The following TEX264 variants were observed in gnomAD, a reference collection of about 807,000 sequenced individuals.
The protein encoded by TEX264 is testis expressed 264, ER-phagy receptor.
A neutral mutation model predicts 23.4 loss-of-function variants in TEX264; 13 were observed. The ratio of observed to expected loss-of-function variants is 0.56; its 90% CI spans 0.36 to 0.88. The LOEUF (loss-of-function observed/expected upper bound fraction) is 0.88. Among genes scored for constraint, TEX264 ranks in the 40% least tolerant of loss-of-function variants. The pLI, the probability that TEX264 is intolerant of heterozygous loss-of-function variation, is 0.01. For synonymous variants in TEX264, 159 were observed against 170.0 expected (o/e 0.94, Z 0.50); for missense variants, 340 against 406.8 (o/e 0.84, Z 1.41).
chr3:51,689,414 G>T (rs1702743284), intron 3 of TEX264, among the ~76,000 whole-genome samples: 1 of 150,416 alleles, frequency 6.6e-6, no homozygotes, highest in Non-Finnish European at 1.5e-5. Context: ...TGGGTAACAG[G>T]AGTGAAACCC....
In TEX264 at chr3:51,704,144, T is replaced by C. The variant is rs551963936; in HGVS notation, c.*128T>C. On this transcript the variant is annotated 3_prime_UTR_variant, in exon 5 of 5. Coordinates refer to ENST00000341333, the MANE Select transcript of TEX264 (RefSeq NM_015926.6). Reference sequence around the variant, plus strand: ...TCCTGAGGGACCTGACTTCCCCTGCTCCAGGCCTCTTGCTAAGCCTTCTCC... The same window carrying C: ...TCCTGAGGGACCTGACTTCCCCTGCCCCAGGCCTCTTGCTAAGCCTTCTCC... 2.3e-6 allele frequency: 2 copies of C among 877,366 alleles called. No individual in the cohort carries two copies. The highest frequency in any genetic ancestry group is 3.4e-5 in the African/African-American group (2 of 58,790). 54.3% of individuals were successfully genotyped at this position (877,366 alleles called of 1,614,324 possible). A position where few individuals can be genotyped will look rare whatever the true frequency, so the allele number is the denominator to read the frequency against.
At chr3:51,692,805 A>G (rs1032269365) in intron 3 of TEX264, among the ~76,000 whole-genome samples, 1 of 152,204 alleles carries the variant, frequency 6.6e-6, no homozygotes, top group Admixed American at 6.5e-5. Flanking sequence ...TTTGCAAGGG[A>G]GAGCAATGGG....
At chr3:51,678,391 C>T (rs1027061278) in intron 2 of TEX264, among the ~76,000 whole-genome samples, 1 of 152,198 alleles carries the variant, frequency 6.6e-6, no homozygotes, top group Non-Finnish European at 1.5e-5. Context: ...CTCTCTACCT[C>T]CTGCCCCACC....
At chr3:51,692,041 C>T (rs530805745) in intron 3 of TEX264, among the ~76,000 whole-genome samples, 1 of 152,184 alleles carries the variant, frequency 6.6e-6, no homozygotes, top group South Asian at 2.1e-4. Flanking sequence ...TCCCTCCCTT[C>T]CCCCAGGAAT....
intron 3 of TEX264, among the ~76,000 whole-genome samples, chr3:51,692,452 G>C (rs1488361878): frequency 6.6e-6 from 1 of 152,134 alleles, no homozygotes; most frequent in African/African-American, 2.4e-5. Flanking sequence ...AGAGGTCAGA[G>C]GTACCAGTTG....
intron 2 of TEX264, chr3:51,683,665 G>C (rs1003548769): frequency 1.3e-5 from 2 of 152,200 alleles, no homozygotes; most frequent in African/African-American, 4.8e-5. Context: ...AGAGGGGTGG[G>C]GAGGATGATC....
intron 2 of TEX264, chr3:51,683,542 C>G (rs1326184609): frequency 2.6e-5 from 4 of 152,114 alleles, no homozygotes; most frequent in Non-Finnish European, 5.9e-5. Flanking sequence ...GGAGGGGAAC[C>G]AGTGGTCTTG....
intron 3 of TEX264, among the ~76,000 whole-genome samples, chr3:51,693,987 T>C (rs547813729): frequency 4.9e-4 from 38 of 77,690 alleles, no homozygotes; most frequent in South Asian, 2.7e-3. Context: ...AATCCCTTTC[T>C]TTCCTTCCTT....
chr3:51,688,697 T>A (rs1359595108), intron 3 of TEX264, among the ~76,000 whole-genome samples: 1 of 152,128 alleles, frequency 6.6e-6, no homozygotes, highest in African/African-American at 2.4e-5. Flanking sequence ...CAGACTAATG[T>A]CTGACTATCC....
chr3:51,671,474 T>TGGGGCAGCCCCTACTCTTC (rs1381658677), intron 1 of TEX264, 186 bp downstream of exon 1: 3 of 154,492 alleles, frequency 1.9e-5, no homozygotes, highest in East Asian at 2.0e-4. Flanking sequence ...GATGCGACCT[T>TGGGGCAGCCCCTACTCTTC]GGGGCAGCCC....
chr3:51,693,008 C>CT (rs1351788034), intron 3 of TEX264, among the ~76,000 whole-genome samples: 1 of 152,250 alleles, frequency 6.6e-6, no homozygotes, highest in Non-Finnish European at 1.5e-5. Context: ...GATTAGGGGC[C>CT]TCCCAGTCCA....
At position 51,684,434 on chromosome 3, in the gene TEX264, T is replaced by C. The variant is rs558942440; in HGVS notation, c.280T>C (p.Cys94Arg). 1.1e-5 allele frequency: 18 copies of C among 1,614,196 alleles called. No homozygotes were observed. Among genetic ancestry groups the C allele is most frequent in the East Asian group, 2.2e-5 (1 of 44,880 alleles). Residue 94 changes from cysteine to arginine, a missense_variant, in exon 3 of 5, where the codon TGT (cysteine) becomes CGT (arginine). Physicochemically the swap from Cys to Arg is radical, Grantham distance 180 (BLOSUM62 -3). Coordinates refer to ENST00000341333, the MANE Select transcript of TEX264 (RefSeq NM_015926.6). ...CCAGGTGCCCCCTGATAAGTGCCGATGTGCCGTGGGCAGCATCCTGAGTGA... is the reference window on the plus strand; with the variant it reads ...CCAGGTGCCCCCTGATAAGTGCCGACGTGCCGTGGGCAGCATCCTGAGTGA... ...PHMVPPDKCR[C>R]AVGSILSEGE...
chr3:51,688,576 G>C (rs995956105), intron 3 of TEX264, among the ~76,000 whole-genome samples: 3 of 152,158 alleles, frequency 2.0e-5, no homozygotes, highest in African/African-American at 7.2e-5. Context: ...GAGTTTTTAG[G>C]GGGAGGGTCT....
chr3:51,673,948 C>T (rs746179395), intron 1 of TEX264, among the ~76,000 whole-genome samples: 2 of 152,120 alleles, frequency 1.3e-5, no homozygotes, highest in Non-Finnish European at 2.9e-5. Flanking sequence ...TGTCAGGGCC[C>T]GGAGTATGTC....
chr3:51,685,986 T>C (rs147539817), intron 3 of TEX264, among the ~76,000 whole-genome samples: 435 of 152,292 alleles, frequency 2.9e-3, no homozygotes, highest in Non-Finnish European at 4.5e-3. Flanking sequence ...TGGGCAAGTA[T>C]GTAGTGATGC....
intron 3 of TEX264, among the ~76,000 whole-genome samples, chr3:51,697,068 T>C (rs1238441128): frequency 6.6e-6 from 1 of 152,226 alleles, no homozygotes; most frequent in Non-Finnish European, 1.5e-5. Flanking sequence ...CTTGATCCTC[T>C]GTTCTCCCTG....
chr3:51,683,428 A>G (rs950605782), intron 2 of TEX264: 5 of 152,198 alleles, frequency 3.3e-5, no homozygotes, highest in African/African-American at 7.2e-5. Flanking sequence ...GGAGGCTCAC[A>G]TAGGAGCCTT....
chr3:51,677,714 A>G (rs986467532), intron 2 of TEX264, among the ~76,000 whole-genome samples: 5 of 152,180 alleles, frequency 3.3e-5, no homozygotes, highest in Non-Finnish European at 4.4e-5. Context: ...TAGCACAAGA[A>G]AGGGTACCAC....
intron 2 of TEX264, among the ~76,000 whole-genome samples, chr3:51,674,868 C>T (rs1284179119): frequency 6.6e-6 from 1 of 152,208 alleles, no homozygotes; most frequent in Non-Finnish European, 1.5e-5. Context: ...GGTCCCCTGC[C>T]TCCTCTTCTT....
Sources: allele counts gnomAD v4.1 joint callset (sites outside exome capture counted in the v4.1 genomes callset), GRCh38; gene constraint gnomAD v4.1.1; transcripts MANE v1.5; gene names NCBI Gene and HGNC (gene_info 2026-07-23, HGNC 2026-07-21).